The following FGF5 variants were observed in gnomAD, a reference collection of about 807,000 sequenced individuals.
FGF5 encodes the protein fibroblast growth factor 5, also known as heparin-binding growth factor 5.
Under a neutral mutation model 21.8 loss-of-function variants are expected in FGF5, and 23 were observed. That is an observed-to-expected ratio of 1.05 (90% confidence interval 0.76 to 1.49). The LOEUF (loss-of-function observed/expected upper bound fraction) is 1.49. FGF5 is among the 40% of genes most tolerant of loss of function. The probability of loss-of-function intolerance (pLI) is 0.00; values close to 1 mark genes in which losing one functional copy is unlikely to be tolerated. For missense variants in FGF5, 352 were observed against 332.9 expected, an observed-to-expected ratio of 1.06 and a Z score of -0.45; for synonymous variants, 158 against 124.0, an observed-to-expected ratio of 1.27 and a Z score of -1.82.
At position 80,267,189 on chromosome 4, in the gene FGF5, T is replaced by C; in HGVS notation, c.355+10T>C. 6.3e-7 allele frequency: 1 copy of C among 1,583,192 alleles called. No homozygotes were observed. The highest frequency in any genetic ancestry group is 8.6e-7 in the Non-Finnish European group (1 of 1,161,988). ...GAAGCCAATATGTTAAGTAAGTTAC[T>C]CGCTCTCCTACAAAACCCGTCCTAG... On this transcript the variant is annotated intron_variant, in intron 1 of 2. Coordinates refer to ENST00000312465, the MANE Select transcript of FGF5 (RefSeq NM_004464.4).
chr4:80,286,187 T>C (rs527429077), intron 2 of FGF5, 138 bp from the exon 3 acceptor site: 8 of 577,506 alleles, frequency 1.4e-5, no homozygotes, highest in African/African-American at 5.6e-5. Flanking sequence ...TAAGCAAACA[T>C]GTCTTTATAA....
intron 1 of FGF5, among the ~76,000 whole-genome samples, chr4:80,274,179 T>C (rs1308952216): frequency 2.0e-5 from 3 of 152,132 alleles, no homozygotes; most frequent in Non-Finnish European, 2.9e-5. Flanking sequence ...CAGAGGGACA[T>C]TGACTTCATA....
intron 2 of FGF5, among the ~76,000 whole-genome samples, chr4:80,283,661 ACT>A (rs1207203334): frequency 1.3e-5 from 2 of 152,042 alleles, no homozygotes; most frequent in African/African-American, 2.4e-5. Flanking sequence ...TAAAAACCTA[ACT>A]CTGTCAAAAT....
At position 80,286,876 on chromosome 4, in the gene FGF5, A is replaced by G. The variant is rs1363146436; in HGVS notation, c.*204A>G. On this transcript the variant is annotated 3_prime_UTR_variant, in exon 3 of 3. Transcript: ENST00000312465. The stretch of plus-strand genomic sequence containing the variant: ...AATTCTTTGTACTAATACAGGGAGC[A>G]CACTCCTTCAGTTCAGCAAGACATA... 1.1e-5 allele frequency: 6 copies of G among 531,936 alleles called. No homozygotes were observed. Among genetic ancestry groups the G allele is most frequent in the African/African-American group, 9.4e-5 (5 of 53,134 alleles). The allele number at this position is 531,936 out of a possible 1,614,324, so 33.0% of individuals were successfully genotyped here. A position where few individuals can be genotyped will look rare whatever the true frequency, so the allele number is the denominator to read the frequency against.
In FGF5 at chr4:80,286,650, G is replaced by C; in HGVS notation, c.785G>C (p.Arg262Thr). 1 of 1,613,690 alleles carries C rather than the reference G, an allele frequency of 6.2e-7. No individual in the cohort carries two copies. Among genetic ancestry groups the C allele is most frequent in the South Asian group, 1.1e-5 (1 of 91,062 alleles). Reference sequence around the variant, plus strand: ...AAAAATACCAACTCAGTGAAATACAGACTCAAGTTTCGCTTTGGATAATAT... The same window carrying C: ...AAAAATACCAACTCAGTGAAATACACACTCAAGTTTCGCTTTGGATAATAT... ...PRKNTNSVKY[R>T]LKFRFG Residue 262 changes from arginine to threonine, a missense_variant, in exon 3 of 3, where the codon AGA (arginine) becomes ACA (threonine). Coordinates refer to ENST00000312465, the MANE Select transcript of FGF5 (RefSeq NM_004464.4).
At chr4:80,268,792 G>C (rs1052496768) in intron 1 of FGF5, among the ~76,000 whole-genome samples, 8 of 152,218 alleles carry the variant, frequency 5.3e-5, no homozygotes, top group African/African-American at 1.9e-4. Context: ...GAGTCCCAGG[G>C]CCTCCCTCAC....
At chr4:80,274,878 G>A in intron 1 of FGF5, 31 bp from the exon 2 acceptor site, 1 of 889,414 alleles carries the variant, frequency 1.1e-6, no homozygotes, top group Non-Finnish European at 1.9e-6. Flanking sequence ...ATAAGAGCCT[G>A]TGTTTTATTT....
chr4:80,266,866 G>T lies in FGF5; in HGVS notation c.42G>T (p.Leu14=). 1 of 1,609,930 alleles carries T rather than the reference G, an allele frequency of 6.2e-7. No individual in the cohort carries two copies. The highest frequency in any genetic ancestry group is 8.5e-7 in the Non-Finnish European group (1 of 1,178,258). The change falls in exon 1 of 3, where the codon CTG becomes CTT. Residue 14 remains leucine (L), a synonymous_variant. Transcript: ENST00000312465. ...TCCTCCTCCTCTTCTTCAGCCACCTGATCCTCAGCGCCTGGGCTCACGGGG... is the reference window on the plus strand; with the variant it reads ...TCCTCCTCCTCTTCTTCAGCCACCTTATCCTCAGCGCCTGGGCTCACGGGG... The part of the protein sequence containing the change: ...SFLLLLFFSH[L]ILSAWAHGEK...
rs1490016194 is a variant in FGF5, at chr4:80,286,939, T to C, written c.*267T>C. 3.1e-6 allele frequency: 1 copy of C among 318,586 alleles called. No individual in the cohort carries two copies. Among genetic ancestry groups the C allele is most frequent in the East Asian group, 4.8e-5 (1 of 20,780 alleles). 19.7% of individuals were successfully genotyped at this position (318,586 alleles called of 1,614,324 possible). On this transcript the variant is annotated 3_prime_UTR_variant, in exon 3 of 3. Coordinates refer to ENST00000312465, the MANE Select transcript of FGF5 (RefSeq NM_004464.4). ...TTATGCTTGAGGGATATTTAGAACT[T>C]TGTATTTTCGGAAAGTTAAATAACA...
chr4:80,286,464 G>A lies in FGF5; in HGVS notation c.599G>A (p.Arg200Gln), dbSNP rs201557946. 40 of 1,613,866 alleles carry A rather than the reference G, an allele frequency of 2.5e-5. No individual in the cohort carries two copies. The highest frequency in any genetic ancestry group is 4.5e-5 in the East Asian group (2 of 44,874). ...VALNKRGKAK[R>Q]GCSPRVKPQH... The stretch of plus-strand genomic sequence containing the variant: ...CTGAATAAAAGAGGAAAAGCCAAAC[G>A]AGGGTGCAGCCCCCGGGTTAAACCC... Residue 200 changes from arginine (R) to glutamine (Q), a missense_variant, in exon 3 of 3, where the codon CGA (arginine) becomes CAA (glutamine). By Grantham distance (43) the Arg-to-Gln change is conservative. Transcript: ENST00000312465.
In FGF5 at chr4:80,287,909, A is replaced by G. The variant is rs2109932303; in HGVS notation, c.*1237A>G. On this transcript the variant is annotated 3_prime_UTR_variant, in exon 3 of 3. Coordinates refer to ENST00000312465, the MANE Select transcript of FGF5 (RefSeq NM_004464.4). ...ATTAAAAAAACTGGCCTTTTGATAG[A>G]GGTAACTTAATTTGGGAATTTGTTG... The G allele has an allele frequency of 6.6e-6, 1 of 152,298 alleles. No homozygotes were observed. Among genetic ancestry groups the G allele is most frequent in the South Asian group, 2.1e-4 (1 of 4,830 alleles). The allele number at this position is 152,298 out of a possible 1,614,324, so 9.4% of individuals were successfully genotyped here. A position where few individuals can be genotyped will look rare whatever the true frequency, so the allele number is the denominator to read the frequency against.
rs376426021 is a variant in FGF5, at chr4:80,267,011, C to T, written c.187C>T (p.Pro63Ser). 4.3e-6 allele frequency: 7 copies of T among 1,614,244 alleles called. No individual in the cohort carries two copies. In the East Asian group the frequency reaches 1.6e-4, roughly 36 times the overall value. Residue 63 changes from proline (P) to serine (S), a missense_variant, in exon 1 of 3, where the codon CCC becomes TCC. By Grantham distance (74) the Pro-to-Ser change is moderately conservative. Transcript: ENST00000312465. Reference protein sequence around the residue: ...AMSSSSASSSPAASLGSQGSG... With the variant: ...AMSSSSASSSSAASLGSQGSG... ...GTCTTCCTCTTCTGCCTCCTCCTCC[C>T]CCGCAGCTTCTCTGGGCAGCCAAGG...
intron 2 of FGF5, among the ~76,000 whole-genome samples, chr4:80,282,412 T>C (rs190530500): frequency 6.5e-4 from 99 of 152,312 alleles, no homozygotes; most frequent in Admixed American, 1.6e-3. Context: ...ATTTTAAACA[T>C]TTCATTTTAA....
chr4:80,274,814 T>C, intron 1 of FGF5, 95 bp from the exon 2 acceptor site: 1 of 640,460 alleles, frequency 1.6e-6, no homozygotes, highest in African/African-American at 2.0e-5. Flanking sequence ...AAAATCACAA[T>C]AATAAAGAAT....
chr4:80,288,253 T>G lies in FGF5; in HGVS notation c.*1581T>G, dbSNP rs564508003. 2.0e-5 allele frequency: 3 copies of G among 152,212 alleles called. No individual in the cohort carries two copies. The highest frequency in any genetic ancestry group is 2.0e-4 in the Admixed American group (3 of 15,284). 9.4% of individuals were successfully genotyped at this position (152,212 alleles called of 1,614,324 possible). On this transcript the variant is annotated 3_prime_UTR_variant, in exon 3 of 3. Coordinates refer to ENST00000312465, the MANE Select transcript of FGF5 (RefSeq NM_004464.4). ...TGGTGCACAAATACAAAGTGGAAAC[T>G]TACCAAAATTGAACTAGCTACCATA...
At position 80,287,751 on chromosome 4, in the gene FGF5, A is replaced by G. The variant is rs1221778642; in HGVS notation, c.*1079A>G. On this transcript the variant is annotated 3_prime_UTR_variant, in exon 3 of 3. Transcript: ENST00000312465. ...AGAACTGAAGGAGATCAATGGTTTA[A>G]CAGTTATCCATGCCAAGTCCCATTG... 1 of 152,180 alleles carries G rather than the reference A, an allele frequency of 6.6e-6. No homozygotes were observed. The highest frequency in any genetic ancestry group is 1.5e-5 in the Non-Finnish European group (1 of 68,014). The allele number at this position is 152,180 out of a possible 1,614,324, so 9.4% of individuals were successfully genotyped here. A position where few individuals can be genotyped will look rare whatever the true frequency, so the allele number is the denominator to read the frequency against.
chr4:80,274,582 A>G (rs7662034), intron 1 of FGF5, among the ~76,000 whole-genome samples: 12,491 of 152,102 alleles, frequency 0.082, 1,346 homozygotes, highest in African/African-American at 0.24. Context: ...TATTTTGAAA[A>G]ACATTTTTTA....
intron 1 of FGF5, among the ~76,000 whole-genome samples, chr4:80,271,886 G>A (rs1371828649): frequency 6.6e-6 from 1 of 152,274 alleles, no homozygotes; most frequent in South Asian, 2.1e-4. Context: ...AGGCACATGG[G>A]TTTAAAAAAT....
chr4:80,276,568 AT>A (rs1312480497), intron 2 of FGF5, among the ~76,000 whole-genome samples: 2 of 151,900 alleles, frequency 1.3e-5, no homozygotes, highest in African/African-American at 2.4e-5. Context: ...TTTAGTGGTG[AT>A]TTCTGAGATT....
Sources: allele counts gnomAD v4.1 joint callset (sites outside exome capture counted in the v4.1 genomes callset), GRCh38; gene constraint gnomAD v4.1.1; transcripts MANE v1.5; gene names NCBI Gene and HGNC (gene_info 2026-07-23, HGNC 2026-07-21).